VPS13B: variants seen among roughly 807,000 people sequenced by gnomAD.
The protein encoded by VPS13B is vacuolar protein sorting 13 homolog B.
A neutral mutation model predicts 426.4 loss-of-function variants in VPS13B; 285 were observed. The ratio of observed to expected loss-of-function variants is 0.67; its 90% CI spans 0.61 to 0.74. The LOEUF (loss-of-function observed/expected upper bound fraction) is 0.74, where lower values mean the gene tolerates loss of function less well. Among genes scored for constraint, VPS13B ranks in the 30% least tolerant of loss-of-function variants. VPS13B has a pLI of 0.00. For missense variants in VPS13B, 4,537 were observed against 4,782.6 expected, an observed-to-expected ratio of 0.95 and a Z score of 1.51; for synonymous variants, 1,676 against 1,676.4, an observed-to-expected ratio of 1.00 and a Z score of 0.01.
At chr8:99,026,471 A>T (rs919234381) in intron 2 of VPS13B, among the ~76,000 whole-genome samples, 1 of 152,220 alleles carries the variant, frequency 6.6e-6, no homozygotes, top group Non-Finnish European at 1.5e-5. Flanking sequence ...TATTTGGTCT[A>T]AAGTGCAATT....
chr8:99,742,571 C>A (rs914248866), intron 39 of VPS13B, among the ~76,000 whole-genome samples: 1 of 152,118 alleles, frequency 6.6e-6, no homozygotes, highest in African/African-American at 2.4e-5. Flanking sequence ...ATGCAAAAAT[C>A]CTCAATAAAA....
At chr8:99,099,687 A>G (rs1024337081) in intron 4 of VPS13B, among the ~76,000 whole-genome samples, 1 of 152,204 alleles carries the variant, frequency 6.6e-6, no homozygotes, top group East Asian at 1.9e-4. Flanking sequence ...AGAAGACAAT[A>G]TAAGGCAGAG....
rs147995268 is a variant in VPS13B at position 99,439,655 on chromosome 8, G to A, written c.3211-2746G>A. Among the ~76,000 whole-genome samples, 16 of 152,056 alleles carry A rather than the reference G, an allele frequency of 1.1e-4. No individual in the cohort carries two copies. In the East Asian group the frequency reaches 3.1e-3, roughly 29 times the overall value. ...GTAAATAAAAATAAATATATTATTT[G>A]GGAATAGGAAATAGTTATGTTATTG... On this transcript the variant is annotated intron_variant, in intron 22 of 61. Transcript: ENST00000357162.
chr8:99,866,883 A>C (rs1817133526), intron 58 of VPS13B, among the ~76,000 whole-genome samples: 1 of 152,152 alleles, frequency 6.6e-6, no homozygotes, highest in East Asian at 1.9e-4. Flanking sequence ...TGTGGTACTA[A>C]AAGAGTGACC....
rs71273184 is a variant in VPS13B at position 99,497,165 on chromosome 8, A to ATATTTATATATTTAATATATAAATACATG, written c.3871-4500_3871-4472dup. Among the ~76,000 whole-genome samples the ATATTTATATATTTAATATATAAATACATG allele has an allele frequency of 6.3e-3, 876 of 139,666 alleles. 3 individuals carry two copies. The highest frequency in any genetic ancestry group is 0.016 in the African/African-American group (590 of 37,246). 91.6% of individuals were successfully genotyped at this position (139,666 alleles called of 152,430 possible). On this transcript the variant is annotated intron_variant, in intron 25 of 61. Coordinates refer to ENST00000357162, the MANE Select transcript of VPS13B (RefSeq NM_152564.5). The stretch of plus-strand genomic sequence containing the variant: ...ATATATATTTATGTAATATAAAAAT[A>ATATTTATATATTTAATATATAAATACATG]TATTTATATATTTAATATATAAATA...
chr8:99,867,581 A>G (rs1328028483), intron 58 of VPS13B, among the ~76,000 whole-genome samples: 1 of 152,200 alleles, frequency 6.6e-6, no homozygotes, highest in Non-Finnish European at 1.5e-5. Context: ...GCTGTGACTC[A>G]AACTCTCTGT....
At chr8:99,042,364 T>C (rs1207628370) in intron 3 of VPS13B, among the ~76,000 whole-genome samples, 1 of 152,204 alleles carries the variant, frequency 6.6e-6, no homozygotes, top group African/African-American at 2.4e-5. Flanking sequence ...CCTTTTTAGC[T>C]TAATTTTCTT....
At chr8:99,102,262 A>G (rs925658803) in intron 4 of VPS13B, among the ~76,000 whole-genome samples, 2 of 151,784 alleles carry the variant, frequency 1.3e-5, no homozygotes, top group African/African-American at 4.8e-5. Context: ...ACTTTTATAC[A>G]TTCTCCTTCC....
intron 33 of VPS13B, among the ~76,000 whole-genome samples, chr8:99,618,354 G>A (rs1397526680): frequency 2.6e-5 from 4 of 150,982 alleles, no homozygotes; most frequent in Admixed American, 6.6e-5. Context: ...TTTAGAAACC[G>A]AATCACAGAA....
intron 21 of VPS13B, among the ~76,000 whole-genome samples, chr8:99,427,692 G>A (rs1365277279): frequency 1.3e-5 from 2 of 151,678 alleles, no homozygotes; most frequent in Non-Finnish European, 1.5e-5. Context: ...AATCAAAATC[G>A]TGAAAATGGC....
At chr8:99,307,934 G>C (rs928680504) in intron 19 of VPS13B, among the ~76,000 whole-genome samples, 2 of 151,848 alleles carry the variant, frequency 1.3e-5, no homozygotes, top group Non-Finnish European at 2.9e-5. Flanking sequence ...TATTCCCTAG[G>C]TTTTGGTATG....
intron 30 of VPS13B, among the ~76,000 whole-genome samples, chr8:99,535,082 G>A (rs1275182649): frequency 6.6e-6 from 1 of 151,988 alleles, no homozygotes; most frequent in East Asian, 1.9e-4. Flanking sequence ...AACCAAAATA[G>A]AAGCTAACTA....
At chr8:99,752,805 A>C (rs1050156483) in intron 39 of VPS13B, among the ~76,000 whole-genome samples, 7 of 152,234 alleles carry the variant, frequency 4.6e-5, no homozygotes, top group African/African-American at 1.7e-4. Flanking sequence ...ATTTTGAAAG[A>C]ACCAACTATC....
At chr8:99,236,476 C>G (rs749372836) in intron 17 of VPS13B, among the ~76,000 whole-genome samples, 42 of 152,290 alleles carry the variant, frequency 2.8e-4, no homozygotes, top group Admixed American at 6.5e-4. Flanking sequence ...TCTTGAACTC[C>G]TGGCCTCAAG....
chr8:99,401,108 A>G (rs936223723), intron 21 of VPS13B, among the ~76,000 whole-genome samples: 1 of 152,216 alleles, frequency 6.6e-6, no homozygotes, highest in East Asian at 1.9e-4. Flanking sequence ...GAGATACATC[A>G]TATTGAAGAG....
At chr8:99,818,644 C>T (rs1271111084) in intron 46 of VPS13B, 69 bp from the exon 47 acceptor site, 54 of 1,604,888 alleles carry the variant, frequency 3.4e-5, no homozygotes, top group Non-Finnish European at 4.4e-5. Context: ...AAGTTTGTTT[C>T]AGCATCAAAC....
intron 21 of VPS13B, among the ~76,000 whole-genome samples, chr8:99,405,174 T>A (rs1426560431): frequency 1.3e-5 from 2 of 152,152 alleles, no homozygotes; most frequent in African/African-American, 4.8e-5. Flanking sequence ...TATACCAGTC[T>A]TATTTTTTTT....
At chr8:99,684,738 A>AT (rs1333461884) in intron 35 of VPS13B, among the ~76,000 whole-genome samples, 4 of 152,208 alleles carry the variant, frequency 2.6e-5, no homozygotes, top group African/African-American at 9.7e-5. Context: ...CTCTGAAATA[A>AT]TTTTTAAAAA....
At chr8:99,049,356 T>C (rs1481318662) in intron 3 of VPS13B, among the ~76,000 whole-genome samples, 3 of 151,548 alleles carry the variant, frequency 2.0e-5, no homozygotes, top group Non-Finnish European at 4.4e-5. Context: ...GCTGGCTTGG[T>C]AGTGGCAAAT....
Sources: gnomAD v4.1 joint callset for allele counts (sites outside exome capture counted in the v4.1 genomes callset) on GRCh38, gnomAD v4.1.1 for gene constraint, MANE v1.5 for transcripts, NCBI Gene and HGNC (gene_info 2026-07-23, HGNC 2026-07-21) for gene names.